Variants in SPAG17 observed in about 807,000 individuals in gnomAD.
SPAG17 encodes the protein sperm-associated antigen 17.
Under a neutral mutation model 273.6 loss-of-function variants are expected in SPAG17, and 169 were observed. The ratio of observed to expected loss-of-function variants is 0.62; its 90% CI spans 0.55 to 0.70. The LOEUF is 0.70. Among genes scored for constraint, SPAG17 ranks in the 30% least tolerant of loss-of-function variants. The pLI is 0.00. For synonymous variants in SPAG17, 825 were observed against 873.2 expected (o/e 0.94, Z 0.97); for missense variants, 2,557 against 2,627.8 (o/e 0.97, Z 0.59).
intron 17 of SPAG17, among the ~76,000 whole-genome samples, chr1:118,067,965 G>C (rs1653150117): frequency 1.3e-5 from 2 of 152,094 alleles, no homozygotes; most frequent in South Asian, 2.1e-4. Flanking sequence ...GTAGCTACCA[G>C]TAGAGAGACA....
chr1:117,992,881 C>A (rs1295459604), intron 35 of SPAG17, among the ~76,000 whole-genome samples: 1 of 152,056 alleles, frequency 6.6e-6, no homozygotes, highest in Non-Finnish European at 1.5e-5. Context: ...ATTTAAAAAT[C>A]CTGTTGCATG....
At chr1:118,132,417 G>T (rs1180294830) in intron 3 of SPAG17, among the ~76,000 whole-genome samples, 1 of 152,130 alleles carries the variant, frequency 6.6e-6, no homozygotes, top group Non-Finnish European at 1.5e-5. Flanking sequence ...CTGGAGGGAG[G>T]TAACCAAGGG....
intron 30 of SPAG17, among the ~76,000 whole-genome samples, chr1:118,010,622 C>T (rs1323334366): frequency 6.6e-6 from 1 of 152,058 alleles, no homozygotes; most frequent in East Asian, 1.9e-4. Context: ...TGAAAGACAA[C>T]CTAGGCAATA....
At chr1:117,955,307 C>A in intron 48 of SPAG17, 1 of 1,610,136 alleles carries the variant, frequency 6.2e-7, no homozygotes, top group East Asian at 2.2e-5. Flanking sequence ...TTAATCCTTC[C>A]TTTATAGCCT....
chr1:118,099,602 A>C lies in SPAG17; in HGVS notation c.829+4T>G. On this transcript the variant is annotated splice_donor_region_variant and intron_variant, in intron 6 of 48. Coordinates refer to ENST00000336338, the MANE Select transcript of SPAG17 (RefSeq NM_206996.4). ...CTCAGTAAGTTGTGTAGCAGACTGC[A>C]TACCTTCTGACTGAAGAAGAACTTC... The C allele has an allele frequency of 6.2e-7, 1 of 1,613,652 alleles. No individual in the cohort carries two copies. Among genetic ancestry groups the C allele is most frequent in the Non-Finnish European group, 8.5e-7 (1 of 1,179,584 alleles).
intron 12 of SPAG17, 31 bp downstream of exon 12, chr1:118,086,640 G>A (rs540085783): frequency 6.3e-7 from 1 of 1,588,026 alleles, no homozygotes; most frequent in South Asian, 1.1e-5. Context: ...TCCCACATCG[G>A]TTTTCCTTGG....
At chr1:118,002,933 C>T (rs1481850652) in intron 32 of SPAG17, among the ~76,000 whole-genome samples, 1 of 152,164 alleles carries the variant, frequency 6.6e-6, no homozygotes, top group African/African-American at 2.4e-5. Flanking sequence ...ATGGTCTTTA[C>T]AATTTGGCAT....
chr1:117,955,400 A>G (rs1161819064), intron 48 of SPAG17: 2 of 1,580,914 alleles, frequency 1.3e-6, no homozygotes, highest in African/African-American at 1.3e-5. Flanking sequence ...TCTGTCAGCA[A>G]ACATTTATGA....
chr1:118,055,931 C>T lies in SPAG17; in HGVS notation c.2541-17G>A. 6.3e-7 allele frequency: 1 copy of T among 1,588,300 alleles called. No individual in the cohort carries two copies. The highest frequency in any genetic ancestry group is 1.8e-5 in the Admixed American group (1 of 56,276). On this transcript the variant is annotated splice_polypyrimidine_tract_variant and intron_variant, in intron 18 of 48. Transcript: ENST00000336338. ...AAATAATTCCTAAACAAACCAATAG[C>T]AGACGTCAATTGAGTTACTATGAAA... is the stretch of plus-strand genomic sequence containing the variant.
chr1:117,955,165 T>C (rs767848747), intron 48 of SPAG17: 7 of 582,254 alleles, frequency 1.2e-5, no homozygotes, highest in South Asian at 2.8e-5. Context: ...CAGATCTGAC[T>C]GACTCTAAAC....
Position 117,953,785 on chromosome 1 carries a change from T to C in SPAG17, c.*265A>G. The C allele has an allele frequency of 1.7e-6, 1 of 602,090 alleles. No homozygotes were observed. The allele number at this position is 602,090 out of a possible 1,614,324, so 37.3% of individuals were successfully genotyped here. A position where few individuals can be genotyped will look rare whatever the true frequency, so the allele number is the denominator to read the frequency against. On this transcript the variant is annotated 3_prime_UTR_variant, in exon 49 of 49. Transcript: ENST00000336338. The stretch of plus-strand genomic sequence containing the variant: ...CTGCCCTATTCAGAGTGTCTAGATA[T>C]CATCCCACCTGAGTCCATGACACTC...
In SPAG17 at chr1:117,994,496, A is replaced by C; in HGVS notation, c.5088T>G (p.His1696Gln). ...TLTITVLRPF[H>Q]EASPWQVKKE... ...TTTTTACTTGCCATGGTGATGCTTC[A>C]TGGAAAGGGCGAAGGACTGTGATGG... Residue 1696 changes from histidine (H) to glutamine (Q), a missense_variant, in exon 35 of 49, where the codon CAT (histidine) becomes CAG (glutamine). Transcript: ENST00000336338. 6.2e-7 allele frequency: 1 copy of C among 1,612,810 alleles called. No homozygotes were observed. The highest frequency in any genetic ancestry group is 2.2e-5 in the East Asian group (1 of 44,842).
chr1:118,061,598 T>C (rs1363471830), intron 18 of SPAG17, among the ~76,000 whole-genome samples: 1 of 152,170 alleles, frequency 6.6e-6, no homozygotes, highest in Non-Finnish European at 1.5e-5. Flanking sequence ...CTTGAAGATA[T>C]GTTAAAAGAA....
Position 118,097,704 on chromosome 1 carries a change from T to C in SPAG17, c.977A>G (p.Asp326Gly), listed in dbSNP as rs778460882. 2.5e-6 allele frequency: 4 copies of C among 1,606,308 alleles called. No individual in the cohort carries two copies. The highest frequency in any genetic ancestry group is 2.5e-6 in the Non-Finnish European group (3 of 1,177,406). ...ARLEYMVKAA[D>G]FPSDWSDGEM... ...ACCATCTGACCAGTCAGAAGGAAAA[T>C]CAGCTGCTTTGACCATGTACTCAAG... Residue 326 changes from aspartate (D) to glycine (G), a missense_variant, in exon 7 of 49, where the codon GAT (aspartate) becomes GGT (glycine). By Grantham distance (94) the Asp-to-Gly change is moderately conservative. Coordinates refer to ENST00000336338, the MANE Select transcript of SPAG17 (RefSeq NM_206996.4).
intron 46 of SPAG17, among the ~76,000 whole-genome samples, chr1:117,967,201 C>T (rs542826749): frequency 1.0e-4 from 15 of 150,256 alleles, no homozygotes; most frequent in Non-Finnish European, 1.6e-4. Flanking sequence ...ATTGCTTGAA[C>T]GCAGGAGAAT....
intron 1 of SPAG17, 24 bp downstream of exon 1, chr1:118,185,047 G>A (rs371531949): frequency 1.1e-4 from 176 of 1,607,812 alleles, no homozygotes; most frequent in African/African-American, 9.5e-4. Context: ...GGGGCAGGGA[G>A]GGCTTAAAGG....
chr1:117,954,677 C>G, intron 48 of SPAG17: 1 of 1,566,632 alleles, frequency 6.4e-7, no homozygotes, highest in Non-Finnish European at 8.7e-7. Context: ...AGGTTACTTA[C>G]AAGGACAAGA....
intron 10 of SPAG17, among the ~76,000 whole-genome samples, chr1:118,090,636 T>C (rs905608000): frequency 3.9e-5 from 6 of 152,128 alleles, no homozygotes; most frequent in Admixed American, 1.3e-4. Context: ...ATAATCCCAG[T>C]GCTTTAGGAG....
chr1:118,072,017 G>A (rs1653647033), intron 17 of SPAG17, among the ~76,000 whole-genome samples: 2 of 152,066 alleles, frequency 1.3e-5, no homozygotes, highest in Non-Finnish European at 2.9e-5. Context: ...CATATCAACA[G>A]GAAATCAAGA....
Sources: allele counts gnomAD v4.1 joint callset (sites outside exome capture counted in the v4.1 genomes callset), GRCh38; gene constraint gnomAD v4.1.1; transcripts MANE v1.5; gene names NCBI Gene and HGNC (gene_info 2026-07-23, HGNC 2026-07-21).